The following DDR2 variants were observed in gnomAD, a reference collection of about 807,000 sequenced individuals.
DDR2 encodes the protein discoidin domain receptor tyrosine kinase 2.
A neutral mutation model predicts 94.9 loss-of-function variants in DDR2; 27 were observed. That is an observed-to-expected ratio of 0.28 (90% CI 0.21 to 0.39). The LOEUF is 0.39. Ranked by LOEUF, DDR2 falls within the 10% of genes least tolerant of loss-of-function variation. The pLI, the probability that DDR2 is intolerant of heterozygous loss-of-function variation, is 1.00. For missense variants in DDR2, 783 were observed against 1,076.0 expected (o/e 0.73, Z 3.81); for synonymous variants, 382 against 377.2 (o/e 1.01, Z -0.15).
intron 1 of DDR2, among the ~76,000 whole-genome samples, chr1:162,645,551 G>C (rs935701288): frequency 4.6e-5 from 7 of 152,172 alleles, no homozygotes; most frequent in African/African-American, 1.7e-4. Flanking sequence ...CTAATCACTA[G>C]TGTGGAACTT....
intron 3 of DDR2, among the ~76,000 whole-genome samples, chr1:162,750,925 G>T (rs565271281): frequency 5.3e-5 from 8 of 152,242 alleles, no homozygotes; most frequent in African/African-American, 1.4e-4. Flanking sequence ...AATGGTGCTG[G>T]GAAAACTGGC....
chr1:162,689,265 T>A (rs1248544743), intron 2 of DDR2, among the ~76,000 whole-genome samples: 1 of 152,202 alleles, frequency 6.6e-6, no homozygotes, highest in Non-Finnish European at 1.5e-5. Flanking sequence ...GAGGTGATGG[T>A]TAATACCTGT....
chr1:162,715,864 C>A (rs1004720156), intron 2 of DDR2, among the ~76,000 whole-genome samples: 1 of 152,152 alleles, frequency 6.6e-6, no homozygotes. Flanking sequence ...TGACAGTCAT[C>A]TAATTTTAGG....
At chr1:162,702,529 G>A (rs1028770237) in intron 2 of DDR2, among the ~76,000 whole-genome samples, 4 of 152,180 alleles carry the variant, frequency 2.6e-5, no homozygotes, top group Non-Finnish European at 5.9e-5. Context: ...TACTGCTAGA[G>A]TCTTTGAGTA....
chr1:162,651,134 G>A (rs770090951), intron 1 of DDR2, among the ~76,000 whole-genome samples: 1 of 152,098 alleles, frequency 6.6e-6, no homozygotes, highest in Non-Finnish European at 1.5e-5. Flanking sequence ...CTCCTCCAAA[G>A]CAACCCACAT....
At chr1:162,672,373 CT>C (rs1658898752) in intron 2 of DDR2, among the ~76,000 whole-genome samples, 1 of 152,154 alleles carries the variant, frequency 6.6e-6, no homozygotes, top group Non-Finnish European at 1.5e-5. Flanking sequence ...CATTTTCCCT[CT>C]TGTGCCTTGA....
intron 2 of DDR2, among the ~76,000 whole-genome samples, chr1:162,705,723 C>A (rs1158802063): frequency 6.6e-6 from 1 of 152,148 alleles, no homozygotes; most frequent in East Asian, 1.9e-4. Flanking sequence ...TGATGAGTGG[C>A]AGATCTGGGA....
chr1:162,773,668 C>T, intron 14 of DDR2, 72 bp downstream of exon 14: 2 of 1,600,250 alleles, frequency 1.2e-6, no homozygotes, highest in South Asian at 2.2e-5. Flanking sequence ...CTGGATACTT[C>T]TGAGCAATTT....
intron 3 of DDR2, among the ~76,000 whole-genome samples, chr1:162,748,527 G>C (rs1186746326): frequency 6.7e-6 from 1 of 149,322 alleles, no homozygotes; most frequent in East Asian, 2.0e-4. Flanking sequence ...TAGAAACAAA[G>C]AGACTTAGAC....
chr1:162,762,086 C>T (rs1393247411), intron 9 of DDR2, among the ~76,000 whole-genome samples: 1 of 152,172 alleles, frequency 6.6e-6, no homozygotes, highest in African/African-American at 2.4e-5. Context: ...AACTGTCCAT[C>T]AATGTCTTAA....
rs1330485255 is a variant in DDR2, at chr1:162,782,238, G to A, written c.*1992G>A. ...TTTTGTTTTCTTATTTATAGGATGA[G>A]GAAATTAGATTAAATGGTTTTGAGG... On this transcript the variant is annotated 3_prime_UTR_variant, in exon 18 of 18. Coordinates refer to ENST00000367921, the MANE Select transcript of DDR2 (RefSeq NM_006182.4). 1 of 152,206 alleles carries A rather than the reference G, an allele frequency of 6.6e-6. No homozygotes were observed. Among genetic ancestry groups the A allele is most frequent in the African/African-American group, 2.4e-5 (1 of 41,448 alleles). The allele number at this position is 152,206 out of a possible 1,614,324, so 9.4% of individuals were successfully genotyped here. A position where few individuals can be genotyped will look rare whatever the true frequency, so the allele number is the denominator to read the frequency against.
chr1:162,688,174 C>A (rs1472986277), intron 2 of DDR2, among the ~76,000 whole-genome samples: 2 of 152,206 alleles, frequency 1.3e-5, no homozygotes, highest in African/African-American at 4.8e-5. Flanking sequence ...GCAAGTGAGA[C>A]TGACATGTCT....
At chr1:162,763,679 A>G (rs1663864620) in intron 9 of DDR2, among the ~76,000 whole-genome samples, 2 of 152,256 alleles carry the variant, frequency 1.3e-5, no homozygotes, top group Admixed American at 1.3e-4. Context: ...AATGGTATTT[A>G]GAAAACACAA....
chr1:162,666,339 G>A lies in DDR2; in HGVS notation c.-28+10965G>A, dbSNP rs544893882. Among the ~76,000 whole-genome samples, 9 of 152,334 alleles carry A rather than the reference G, an allele frequency of 5.9e-5. No homozygotes were observed. The South Asian group carries it at 1.9e-3, about 32-fold the overall frequency. ...TCTATGCAGCTCTTGCTGGGACCAA[G>A]TATGGTGCTAAACACACGGTAGACA... On this transcript the variant is annotated intron_variant, in intron 2 of 17. Transcript: ENST00000367921.
At chr1:162,757,747 G>A (rs1041175414) in intron 7 of DDR2, among the ~76,000 whole-genome samples, 3 of 152,056 alleles carry the variant, frequency 2.0e-5, no homozygotes, top group Admixed American at 1.3e-4. Context: ...GAGGCTATGA[G>A]GAACATTTTA....
At chr1:162,747,286 G>A (rs188855353) in intron 3 of DDR2, among the ~76,000 whole-genome samples, 18 of 152,094 alleles carry the variant, frequency 1.2e-4, no homozygotes, top group African/African-American at 4.1e-4. Context: ...AAGATTAGAC[G>A]AATGGCTAAC....
intron 2 of DDR2, among the ~76,000 whole-genome samples, chr1:162,665,510 T>G (rs1372305797): frequency 6.6e-6 from 1 of 151,806 alleles, no homozygotes; most frequent in East Asian, 1.9e-4. Context: ...ATGTACCATT[T>G]CCTTTATAAT....
chr1:162,666,102 C>T (rs1399073079), intron 2 of DDR2, among the ~76,000 whole-genome samples: 1 of 152,162 alleles, frequency 6.6e-6, no homozygotes, highest in African/African-American at 2.4e-5. Flanking sequence ...GCATCTTTGC[C>T]ATGTTCCAGC....
intron 3 of DDR2, among the ~76,000 whole-genome samples, chr1:162,727,509 A>AAAAT (rs1221803771): frequency 7.5e-5 from 11 of 146,734 alleles, no homozygotes; most frequent in East Asian, 1.9e-4. Flanking sequence ...TATAGAGTTA[A>AAAAT]AAATAAATAA....
Sources: gnomAD v4.1 joint callset for allele counts (sites outside exome capture counted in the v4.1 genomes callset) on GRCh38, gnomAD v4.1.1 for gene constraint, MANE v1.5 for transcripts, NCBI Gene and HGNC (gene_info 2026-07-23, HGNC 2026-07-21) for gene names.